RGS17: variants seen among roughly 807,000 people sequenced by gnomAD.
RGS17 encodes the protein regulator of G-protein signaling 17.
Under a neutral mutation model 25.5 loss-of-function variants are expected in RGS17, and 12 were observed. The observed-to-expected ratio is 0.47, with a 90% CI of 0.30 to 0.76. The LOEUF (loss-of-function observed/expected upper bound fraction) is 0.76. RGS17 is among the 30% of genes least tolerant of loss of function. The probability of loss-of-function intolerance (pLI) is 0.07; values close to 1 mark genes in which losing one functional copy is unlikely to be tolerated. For missense variants in RGS17, 196 were observed against 242.2 expected (o/e 0.81, Z 1.27); for synonymous variants, 71 against 76.9 (o/e 0.92, Z 0.40).
chr6:153,008,589 C>G lies in RGS17; in HGVS notation c.*2985G>C, dbSNP rs949691894. The stretch of plus-strand genomic sequence containing the variant: ...ATACATAATCTGTATCCTCTACTTT[C>G]TTTTATAGATACATCTAAAGTTAGG... On this transcript the variant is annotated 3_prime_UTR_variant, in exon 5 of 5. Transcript: ENST00000206262. 9 of 152,196 alleles carry G rather than the reference C, an allele frequency of 5.9e-5. No homozygotes were observed. The highest frequency in any genetic ancestry group is 1.7e-4 in the African/African-American group (7 of 41,460). The allele number at this position is 152,196 out of a possible 1,614,324, so 9.4% of individuals were successfully genotyped here.
intron 1 of RGS17, among the ~76,000 whole-genome samples, chr6:153,074,515 A>T (rs1286228224): frequency 6.6e-6 from 1 of 152,226 alleles, no homozygotes; most frequent in African/African-American, 2.4e-5. Flanking sequence ...CTGTTAAAGC[A>T]GAATGGATGT....
Position 153,054,028 on chromosome 6 carries a change from T to C in RGS17, c.-25-9985A>G, listed in dbSNP as rs1562321487. Among the ~76,000 whole-genome samples the C allele has an allele frequency of 7.8e-4, 51 of 65,082 alleles. 5 individuals are homozygous for C. Among genetic ancestry groups the C allele is most frequent in the South Asian group, 1.7e-3 (3 of 1,782 alleles). 42.7% of individuals were successfully genotyped at this position (65,082 alleles called of 152,430 possible). ...TATATACGTATATATGTATATAATATATATACATATATATGTATATATGTA... is the reference window on the plus strand; with the variant it reads ...TATATACGTATATATGTATATAATACATATACATATATATGTATATATGTA... On this transcript the variant is annotated intron_variant, in intron 1 of 4. Transcript: ENST00000206262.
chr6:153,024,527 G>C (rs372461948), intron 3 of RGS17, 31 bp from the exon 4 acceptor site: 6 of 1,527,014 alleles, frequency 3.9e-6, no homozygotes, highest in African/African-American at 2.7e-5. Context: ...CGTGATCAAA[G>C]GGAACTTTGT....
intron 1 of RGS17, among the ~76,000 whole-genome samples, chr6:153,073,742 C>T (rs1037192926): frequency 6.6e-6 from 1 of 152,122 alleles, no homozygotes; most frequent in East Asian, 1.9e-4. Flanking sequence ...TTCCCAGCCA[C>T]TCCATCCTCC....
At chr6:153,101,993 G>C (rs1777310786) in intron 1 of RGS17, among the ~76,000 whole-genome samples, 1 of 152,216 alleles carries the variant, frequency 6.6e-6, no homozygotes, top group Middle Eastern at 3.2e-3. Context: ...GACTAATACA[G>C]GTGGTTATGA....
At chr6:153,018,826 G>A (rs115677981) in intron 4 of RGS17, among the ~76,000 whole-genome samples, 3,350 of 152,206 alleles carry the variant, frequency 0.022, 142 homozygotes, top group African/African-American at 0.076. Context: ...GATAATATGC[G>A]TGCATAAAAA....
intron 1 of RGS17, among the ~76,000 whole-genome samples, chr6:153,058,722 A>T (rs894609010): frequency 6.6e-6 from 1 of 152,178 alleles, no homozygotes; most frequent in Non-Finnish European, 1.5e-5. Flanking sequence ...TGTGAGGAAA[A>T]GCAACTCACT....
intron 1 of RGS17, among the ~76,000 whole-genome samples, chr6:153,054,356 T>A (rs1355641113): frequency 1.3e-5 from 2 of 151,462 alleles, no homozygotes; most frequent in East Asian, 3.9e-4. Context: ...AGTTGTTAGA[T>A]TTGCAAGACC....
intron 1 of RGS17, among the ~76,000 whole-genome samples, chr6:153,057,110 G>A (rs1776571950): frequency 6.6e-6 from 1 of 151,842 alleles, no homozygotes; most frequent in South Asian, 2.1e-4. Flanking sequence ...GAAAAATTAA[G>A]TCTGAATGAC....
intron 1 of RGS17, among the ~76,000 whole-genome samples, chr6:153,100,960 A>C (rs73627259): frequency 0.014 from 2,182 of 152,242 alleles, 41 homozygotes; most frequent in African/African-American, 0.049. Flanking sequence ...TTCTGTCCAT[A>C]AATCTTCTAA....
rs1777769402 is a variant in RGS17 at position 153,130,415 on chromosome 6, C to T, written c.-26+709G>A. 6.6e-6 allele frequency among the ~76,000 whole-genome samples: 1 copy of T among 151,856 alleles called. No individual in the cohort carries two copies. Among genetic ancestry groups the T allele is most frequent in the Admixed American group, 6.6e-5 (1 of 15,260 alleles). On this transcript the variant is annotated intron_variant, in intron 1 of 4. Transcript: ENST00000206262. The surrounding 1 kb of genome is among the most constrained non-coding windows in gnomAD (Gnocchi z 6.4). ...CCCCGCGCCGCACACGCCAGGACTC[C>T]CTTTCCTTTGACTAAGGGGAGGGGA... is the stretch of plus-strand genomic sequence containing the variant.
At chr6:153,096,218 TC>T (rs1158942028) in intron 1 of RGS17, among the ~76,000 whole-genome samples, 6 of 134,814 alleles carry the variant, frequency 4.5e-5, no homozygotes, top group African/African-American at 1.4e-4. Flanking sequence ...TACATCATCA[TC>T]TGCAAGGGCA....
intron 4 of RGS17, among the ~76,000 whole-genome samples, chr6:153,012,983 G>C (rs1417469928): frequency 1.3e-5 from 2 of 152,010 alleles, no homozygotes; most frequent in Non-Finnish European, 2.9e-5. Flanking sequence ...TAGATTTGTT[G>C]GGAGATGGCA....
At chr6:153,019,248 G>A (rs1779214803) in intron 4 of RGS17, among the ~76,000 whole-genome samples, 1 of 152,188 alleles carries the variant, frequency 6.6e-6, no homozygotes, top group Non-Finnish European at 1.5e-5. Context: ...TCCTGGTAAC[G>A]ACAACGCCAT....
intron 1 of RGS17, among the ~76,000 whole-genome samples, chr6:153,107,973 G>A (rs896564828): frequency 6.6e-6 from 1 of 152,140 alleles, no homozygotes; most frequent in Non-Finnish European, 1.5e-5. Flanking sequence ...CAGGTAAAAG[G>A]GGAGCTCAGA....
At chr6:153,082,955 G>T (rs1777004732) in intron 1 of RGS17, among the ~76,000 whole-genome samples, 1 of 152,162 alleles carries the variant, frequency 6.6e-6, no homozygotes, top group Non-Finnish European at 1.5e-5. Flanking sequence ...TGCTCCAGGT[G>T]ATTACTTTGG....
chr6:153,110,488 A>T (rs1277941536), intron 1 of RGS17, among the ~76,000 whole-genome samples: 1 of 150,616 alleles, frequency 6.6e-6, no homozygotes, highest in African/African-American at 2.4e-5. Context: ...GTTTTTAGCT[A>T]CCAGGAAGGG....
At chr6:153,052,267 C>A (rs1012046463) in intron 1 of RGS17, among the ~76,000 whole-genome samples, 1 of 2,398 alleles carries the variant, frequency 4.2e-4, no homozygotes, top group East Asian at 8.3e-3. Flanking sequence ...GGACCTCTGC[C>A]CCCAGTGGGC....
chr6:153,013,315 A>G (rs544751356), intron 4 of RGS17, among the ~76,000 whole-genome samples: 77 of 152,220 alleles, frequency 5.1e-4, no homozygotes, highest in Non-Finnish European at 8.7e-4. Context: ...ATGCCCATAT[A>G]AGACTTAATT....
Sources: gnomAD v4.1 joint callset for allele counts (sites outside exome capture counted in the v4.1 genomes callset) on GRCh38, gnomAD v4.1.1 for gene constraint, Gnocchi (gnomAD v3.1) non-coding constraint, MANE v1.5 for transcripts, NCBI Gene and HGNC (gene_info 2026-07-23, HGNC 2026-07-21) for gene names.